The following GABRA1 variants were observed in gnomAD, a reference collection of about 807,000 sequenced individuals.
The protein encoded by GABRA1 is gamma-aminobutyric acid type A receptor subunit alpha1.
GABRA1 carries 9 observed loss-of-function variants against 48.9 expected under a neutral mutation model. The observed-to-expected ratio is 0.18, with a 90% CI of 0.11 to 0.32. The LOEUF (loss-of-function observed/expected upper bound fraction) is 0.32. Among genes scored for constraint, GABRA1 ranks in the 10% least tolerant of loss-of-function variants. The probability of loss-of-function intolerance (pLI) is 1.00; values close to 1 mark genes in which losing one functional copy is unlikely to be tolerated. For missense variants in GABRA1, 285 were observed against 553.8 expected (o/e 0.51, Z 4.87); for synonymous variants, 210 against 198.7 (o/e 1.06, Z -0.48).
chr5:161,858,465 T>C (rs1272578099), intron 3 of GABRA1, among the ~76,000 whole-genome samples: 2 of 151,646 alleles, frequency 1.3e-5, no homozygotes, highest in Non-Finnish European at 3.0e-5. Context: ...ATGTTTCTCC[T>C]CCCTTTTGCC....
At chr5:161,887,545 C>T (rs975558283) in intron 7 of GABRA1, among the ~76,000 whole-genome samples, 3 of 152,134 alleles carry the variant, frequency 2.0e-5, no homozygotes, top group Non-Finnish European at 4.4e-5. Context: ...TAATGAGTGT[C>T]CCCTTATCTC....
In GABRA1 at chr5:161,872,662, T is replaced by TCA. The variant is rs535281831; in HGVS notation, c.256-455_256-454insCA. ...ATCACAATTTACTTGGGTGTGGGCA[T>TCA]GAGGTTTTCAGAGACAATGAGAGGG... On this transcript the variant is annotated intron_variant, in intron 4 of 9. Transcript: ENST00000393943. Among the ~76,000 whole-genome samples, 56 of 152,282 alleles carry TCA rather than the reference T, an allele frequency of 3.7e-4. No homozygotes were observed. In the East Asian group the frequency reaches 0.011, roughly 29 times the overall value.
chr5:161,850,365 G>A lies in GABRA1; in HGVS notation c.-15-431G>A, dbSNP rs1267916187. 10 of 364,642 alleles carry A rather than the reference G, an allele frequency of 2.7e-5. No individual in the cohort carries two copies. In the East Asian group the frequency reaches 3.7e-4, roughly 13 times the overall value. 22.6% of individuals were successfully genotyped at this position (364,642 alleles called of 1,614,324 possible). A position where few individuals can be genotyped will look rare whatever the true frequency, so the allele number is the denominator to read the frequency against. On this transcript the variant is annotated intron_variant, in intron 1 of 9. Coordinates refer to ENST00000393943, the MANE Select transcript of GABRA1 (RefSeq NM_001127644.2). ...CCTATCCCCTCCAATCCCTAAATAT[G>A]TTCTTCCTGTTAGAGACACCAGCTT...
chr5:161,883,748 C>T (rs2113419070), intron 7 of GABRA1, among the ~76,000 whole-genome samples: 1 of 152,196 alleles, frequency 6.6e-6, no homozygotes, highest in South Asian at 2.1e-4. Context: ...CCCTCACAAG[C>T]ATAATACATT....
chr5:161,896,835 T>C (rs988938449), intron 9 of GABRA1, among the ~76,000 whole-genome samples: 3 of 152,202 alleles, frequency 2.0e-5, no homozygotes, highest in Admixed American at 6.5e-5. Flanking sequence ...GTTTATCCCA[T>C]AGTTAAACAA....
chr5:161,883,499 AG>A (rs1238933377), intron 7 of GABRA1, among the ~76,000 whole-genome samples: 11 of 152,220 alleles, frequency 7.2e-5, no homozygotes, highest in Non-Finnish European at 1.5e-4. Flanking sequence ...TCATCAGACC[AG>A]ATAATTATAA....
At chr5:161,849,261 A>G (rs749027359) in intron 1 of GABRA1, among the ~76,000 whole-genome samples, 2 of 152,208 alleles carry the variant, frequency 1.3e-5, no homozygotes, top group Non-Finnish European at 2.9e-5. Context: ...TTACCCATTC[A>G]GATATTCAAT....
rs1337227873 is a variant in GABRA1, at chr5:161,897,416, T to C, written c.1365T>C (p.His455=). 2 of 1,613,214 alleles carry C rather than the reference T, an allele frequency of 1.2e-6. No homozygotes were observed. Among genetic ancestry groups the C allele is most frequent in the Non-Finnish European group, 1.7e-6 (2 of 1,179,230 alleles). Residue 455 remains histidine, a synonymous_variant, in exon 10 of 10, where the codon CAT becomes CAC. Coordinates refer to ENST00000393943, the MANE Select transcript of GABRA1 (RefSeq NM_001127644.2). ...CTCAGCTAAAAGCCCCCACACCACA[T>C]CAATAGATCTTTTACTCACATTCTG... ...REPQLKAPTP[H]Q
rs1050815890 is a variant in GABRA1, at chr5:161,897,601, A to G, written c.*179A>G. 3 of 638,728 alleles carry G rather than the reference A, an allele frequency of 4.7e-6. No homozygotes were observed. Among genetic ancestry groups the G allele is most frequent in the Non-Finnish European group, 8.0e-6 (3 of 372,892 alleles). The allele number at this position is 638,728 out of a possible 1,614,324, so 39.6% of individuals were successfully genotyped here. On this transcript the variant is annotated 3_prime_UTR_variant, in exon 10 of 10. Transcript: ENST00000393943. ...CTGGCAGTCTGGAGCAAAGCAGACTATGCAGCTTGGAGACAGGATTCTGAC... is the reference window on the plus strand; with the variant it reads ...CTGGCAGTCTGGAGCAAAGCAGACTGTGCAGCTTGGAGACAGGATTCTGAC...
intron 5 of GABRA1, 88 bp downstream of exon 5, chr5:161,873,425 T>A: frequency 1.9e-6 from 2 of 1,041,194 alleles, no homozygotes; most frequent in Non-Finnish European, 3.0e-6. Context: ...TGAGCCATGG[T>A]GGAATATTTG....
At chr5:161,861,459 A>G (rs757914354) in intron 3 of GABRA1, among the ~76,000 whole-genome samples, 2 of 151,842 alleles carry the variant, frequency 1.3e-5, no homozygotes, top group Non-Finnish European at 1.5e-5. Flanking sequence ...AATAAGATAA[A>G]TAGCTCCTGC....
At chr5:161,850,213 A>G (rs1757381625) in intron 1 of GABRA1, 1 of 158,898 alleles carries the variant, frequency 6.3e-6, no homozygotes, top group Non-Finnish European at 1.4e-5. Context: ...CAGGAACAGA[A>G]TAAAAGCACG....
At chr5:161,854,062 A>C in intron 2 of GABRA1, 96 bp from the exon 3 acceptor site, 3 of 658,342 alleles carry the variant, frequency 4.6e-6, no homozygotes. Flanking sequence ...ATTCAGTAGA[A>C]ACCAAAGTAG....
chr5:161,871,749 A>G (rs997824402), intron 4 of GABRA1, among the ~76,000 whole-genome samples: 3 of 152,130 alleles, frequency 2.0e-5, no homozygotes, highest in Admixed American at 2.0e-4. Flanking sequence ...ACAAAATCCT[A>G]ACCAGGAAAC....
At chr5:161,855,868 C>G (rs1757625947) in intron 3 of GABRA1, among the ~76,000 whole-genome samples, 1 of 151,266 alleles carries the variant, frequency 6.6e-6, no homozygotes, top group Admixed American at 6.6e-5. Context: ...TAAAAAATTT[C>G]TCTTCATCCT....
Position 161,898,859 on chromosome 5 carries a change from C to T in GABRA1, c.*1437C>T, listed in dbSNP as rs949202975. The T allele has an allele frequency of 6.6e-6, 1 of 152,408 alleles. No individual in the cohort carries two copies. Among genetic ancestry groups the T allele is most frequent in the African/African-American group, 2.4e-5 (1 of 41,384 alleles). The allele number at this position is 152,408 out of a possible 1,614,324, so 9.4% of individuals were successfully genotyped here. The stretch of plus-strand genomic sequence containing the variant: ...AATATAAAATACATAAAAGAATGTA[C>T]AGAAAATAGCTTTTATTGAGTAATA... On this transcript the variant is annotated 3_prime_UTR_variant, in exon 10 of 10. Transcript: ENST00000393943.
chr5:161,880,271 C>T (rs1754555489), intron 6 of GABRA1, among the ~76,000 whole-genome samples: 1 of 152,106 alleles, frequency 6.6e-6, no homozygotes, highest in Non-Finnish European at 1.5e-5. Flanking sequence ...TTCCATGTTA[C>T]CATAAACTCA....
At chr5:161,861,986 G>A (rs529560809) in intron 3 of GABRA1, among the ~76,000 whole-genome samples, 3 of 152,026 alleles carry the variant, frequency 2.0e-5, no homozygotes, top group African/African-American at 7.2e-5. Context: ...GAGTTCCTCA[G>A]CAGACAGCAT....
intron 1 of GABRA1, chr5:161,850,364 T>C: frequency 2.7e-6 from 1 of 363,760 alleles, no homozygotes; most frequent in Non-Finnish European, 4.9e-6. Context: ...TCCCTAAATA[T>C]GTTCTTCCTG....
Sources: gnomAD v4.1 joint callset for allele counts (sites outside exome capture counted in the v4.1 genomes callset) on GRCh38, gnomAD v4.1.1 for gene constraint, MANE v1.5 for transcripts, NCBI Gene and HGNC (gene_info 2026-07-23, HGNC 2026-07-21) for gene names.